The following KIAA0232 variants were observed in gnomAD, a reference collection of about 807,000 sequenced individuals.
The protein encoded by KIAA0232 is uncharacterized protein KIAA0232.
In KIAA0232, 27 loss-of-function variants were observed where a neutral mutation model predicts 122.0. That is an observed-to-expected ratio of 0.22 (90% CI 0.16 to 0.31). KIAA0232 has a LOEUF of 0.31. KIAA0232 is among the 10% of genes least tolerant of loss of function. The pLI is 1.00. For missense variants in KIAA0232, 1,551 were observed against 1,634.2 expected, an observed-to-expected ratio of 0.95 and a Z score of 0.88; for synonymous variants, 613 against 587.6, an observed-to-expected ratio of 1.04 and a Z score of -0.63.
intron 9 of KIAA0232, among the ~76,000 whole-genome samples, chr4:6,878,400 C>G (rs1229412499): frequency 6.6e-6 from 1 of 152,120 alleles, no homozygotes; most frequent in Admixed American, 6.5e-5. Flanking sequence ...TACATACATA[C>G]ATACATACAT....
intron 7 of KIAA0232, among the ~76,000 whole-genome samples, chr4:6,868,739 A>G (rs1245557242): frequency 6.6e-6 from 1 of 152,216 alleles, no homozygotes; most frequent in Non-Finnish European, 1.5e-5. Flanking sequence ...GATGTATTAG[A>G]TGAATATAGC....
At chr4:6,872,546 G>A (rs1721547610) in intron 8 of KIAA0232, among the ~76,000 whole-genome samples, 1 of 152,196 alleles carries the variant, frequency 6.6e-6, no homozygotes, top group Non-Finnish European at 1.5e-5. Context: ...TTGAAATTTT[G>A]GGAGAAGTAG....
chr4:6,823,646 A>C (rs1277834315), intron 2 of KIAA0232, among the ~76,000 whole-genome samples: 3 of 152,084 alleles, frequency 2.0e-5, no homozygotes, highest in African/African-American at 4.8e-5. Flanking sequence ...CGTTATACTT[A>C]GATATGAACT....
chr4:6,883,633 A>G lies in KIAA0232; in HGVS notation c.*2667A>G, dbSNP rs901187154. 2.0e-5 allele frequency: 3 copies of G among 152,226 alleles called. No individual in the cohort carries two copies. Among genetic ancestry groups the G allele is most frequent in the Non-Finnish European group, 2.9e-5 (2 of 68,046 alleles). 9.4% of individuals were successfully genotyped at this position (152,226 alleles called of 1,614,324 possible). ...ACTACTACCTGAGTCTGCAAAACAC[A>G]TAGCATTTTTGTCCGTGGATGGTAC... On this transcript the variant is annotated 3_prime_UTR_variant, in exon 10 of 10. Transcript: ENST00000307659.
intron 3 of KIAA0232, among the ~76,000 whole-genome samples, chr4:6,836,529 TTTTTTTTTTTTCTTTTC>T (rs1006702415): frequency 1.5e-5 from 2 of 137,298 alleles, no homozygotes; most frequent in Non-Finnish European, 3.1e-5. Context: ...GTCCTTTTTC[TTTTTTTTTTTTCTTTTC>T]TTTTTTTTTT....
chr4:6,845,980 C>G (rs943091428), intron 4 of KIAA0232, among the ~76,000 whole-genome samples: 1 of 151,904 alleles, frequency 6.6e-6, no homozygotes, highest in Non-Finnish European at 1.5e-5. Context: ...ATCTTTGATT[C>G]TTTAGGTTAT....
chr4:6,814,533 A>G (rs571413176), intron 2 of KIAA0232, among the ~76,000 whole-genome samples: 7 of 152,312 alleles, frequency 4.6e-5, no homozygotes, highest in African/African-American at 1.7e-4. Flanking sequence ...GTCTTTAACA[A>G]TACCTTCAAT....
At chr4:6,794,137 G>A (rs147331522) in intron 1 of KIAA0232, among the ~76,000 whole-genome samples, 47 of 152,316 alleles carry the variant, frequency 3.1e-4, no homozygotes, top group Non-Finnish European at 4.1e-4. Flanking sequence ...CCACTTGGTC[G>A]GATTCCCGTG....
intron 8 of KIAA0232, among the ~76,000 whole-genome samples, chr4:6,873,226 G>A (rs554490287): frequency 2.5e-4 from 38 of 152,282 alleles, no homozygotes; most frequent in African/African-American, 8.2e-4. Context: ...TAATTTGCCC[G>A]AAATCACACA....
intron 6 of KIAA0232, among the ~76,000 whole-genome samples, chr4:6,859,837 C>T (rs1019203152): frequency 6.6e-6 from 1 of 152,210 alleles, no homozygotes; most frequent in African/African-American, 2.4e-5. Context: ...CTGAAATCTT[C>T]AGTGGCCCCC....
intron 8 of KIAA0232, among the ~76,000 whole-genome samples, chr4:6,875,431 C>A (rs1217795105): frequency 6.6e-6 from 1 of 152,220 alleles, no homozygotes; most frequent in Non-Finnish European, 1.5e-5. Flanking sequence ...TTCTCATGAA[C>A]CTCAACTAGT....
At chr4:6,874,307 C>G (rs1721642831) in intron 8 of KIAA0232, among the ~76,000 whole-genome samples, 1 of 152,234 alleles carries the variant, frequency 6.6e-6, no homozygotes, top group Non-Finnish European at 1.5e-5. Flanking sequence ...GACCATGTGA[C>G]AGCTGGGGCT....
Position 6,862,389 on chromosome 4 carries a change from G to A in KIAA0232, c.2007G>A (p.Leu669=), listed in dbSNP as rs1720924796. Residue 669 remains leucine, a synonymous_variant, in exon 7 of 10, where the codon TTG becomes TTA. Transcript: ENST00000307659. ...VLPFSFETLN[L]GNENTDSSAN... Reference sequence around the variant, plus strand: ...CATTTTCTTTTGAAACACTCAACTTGGGAAATGAAAATACAGATTCTAGTG... The same window carrying A: ...CATTTTCTTTTGAAACACTCAACTTAGGAAATGAAAATACAGATTCTAGTG... 17 of 1,613,980 alleles carry A rather than the reference G, an allele frequency of 1.1e-5. No homozygotes were observed. The highest frequency in any genetic ancestry group is 1.4e-5 in the Non-Finnish European group (17 of 1,180,032).
At chr4:6,794,453 C>T (rs181272003) in intron 1 of KIAA0232, among the ~76,000 whole-genome samples, 118 of 152,270 alleles carry the variant, frequency 7.7e-4, no homozygotes, top group Non-Finnish European at 1.5e-3. Flanking sequence ...TGGCTGCACA[C>T]GGTCCTGTCC....
intron 3 of KIAA0232, among the ~76,000 whole-genome samples, chr4:6,841,608 T>C (rs912014285): frequency 6.6e-6 from 1 of 152,082 alleles, no homozygotes; most frequent in Non-Finnish European, 1.5e-5. Context: ...GACATACAGA[T>C]TGAAAAGGAA....
In KIAA0232 at chr4:6,862,825, C is replaced by T; in HGVS notation, c.2443C>T (p.Pro815Ser). The change falls in exon 7 of 10, where the codon CCA becomes TCA. Residue 815 changes from proline to serine, a missense_variant. Transcript: ENST00000307659. Reference sequence around the variant, plus strand: ...AACTACACAAGTATGTAATGAAAGTCCACATGGAGATGGCTACAGCTCAGG... The same window carrying T: ...AACTACACAAGTATGTAATGAAAGTTCACATGGAGATGGCTACAGCTCAGG... ...FETTQVCNES[P>S]HGDGYSSGVI... is the part of the protein sequence containing the mutation. 2 of 1,614,094 alleles carry T rather than the reference C, an allele frequency of 1.2e-6. No individual in the cohort carries two copies. The highest frequency in any genetic ancestry group is 1.7e-6 in the Non-Finnish European group (2 of 1,180,018).
intron 4 of KIAA0232, among the ~76,000 whole-genome samples, chr4:6,843,410 C>T (rs1435759771): frequency 6.6e-6 from 1 of 152,224 alleles, no homozygotes; most frequent in African/African-American, 2.4e-5. Flanking sequence ...CTGGCTGCCA[C>T]TGATGCAAAC....
rs1720526106 is a variant in KIAA0232, at chr4:6,855,528, A to G, written c.370-1636A>G. On this transcript the variant is annotated intron_variant, in intron 4 of 9. Coordinates refer to ENST00000307659, the MANE Select transcript of KIAA0232 (RefSeq NM_014743.3). This position sits in a 1 kb window ranked among gnomAD's most constrained non-coding sequence, Gnocchi z 4.3. ...TTAAACATGAGAGCAAAAAAAATAT[A>G]TGTTTATATATGACAGCAAATATAT... is the stretch of plus-strand genomic sequence containing the variant. Among the ~76,000 whole-genome samples, 1 of 152,204 alleles carries G rather than the reference A, an allele frequency of 6.6e-6. No individual in the cohort carries two copies. The highest frequency in any genetic ancestry group is 1.5e-5 in the Non-Finnish European group (1 of 68,050).
intron 4 of KIAA0232, among the ~76,000 whole-genome samples, chr4:6,856,467 A>G (rs1275543305): frequency 6.6e-6 from 1 of 152,136 alleles, no homozygotes; most frequent in Non-Finnish European, 1.5e-5. Flanking sequence ...TGTTTTCTAC[A>G]TTCATTTTTC....
Sources: allele counts gnomAD v4.1 joint callset (sites outside exome capture counted in the v4.1 genomes callset), GRCh38; gene constraint gnomAD v4.1.1; non-coding constraint Gnocchi (gnomAD v3.1); transcripts MANE v1.5; gene names NCBI Gene and HGNC (gene_info 2026-07-23, HGNC 2026-07-21).